Variants in SNTG1 observed in about 807,000 individuals in gnomAD.
The protein encoded by SNTG1 is gamma-1-syntrophin.
A neutral mutation model predicts 74.7 loss-of-function variants in SNTG1; 39 were observed. The observed-to-expected ratio is 0.52, with a 90% CI of 0.40 to 0.68. SNTG1 has a LOEUF of 0.68. Among genes scored for constraint, SNTG1 ranks in the 30% least tolerant of loss-of-function variants. The pLI is 0.00. For missense variants in SNTG1, 685 were observed against 609.5 expected (o/e 1.12, Z -1.30); for synonymous variants, 254 against 217.1 (o/e 1.17, Z -1.49).
chr8:50,417,658 G>A (rs376383112), intron 4 of SNTG1, among the ~76,000 whole-genome samples: 5 of 151,926 alleles, frequency 3.3e-5, no homozygotes, highest in Admixed American at 1.3e-4. Context: ...TGACAATGTC[G>A]TATCAACTTC....
chr8:50,715,151 T>A (rs2095472020), intron 17 of SNTG1, among the ~76,000 whole-genome samples: 1 of 152,172 alleles, frequency 6.6e-6, no homozygotes, highest in African/African-American at 2.4e-5. Flanking sequence ...ACCTGAGACC[T>A]AGCATTTACT....
intron 8 of SNTG1, among the ~76,000 whole-genome samples, chr8:50,472,072 C>T (rs1240749691): frequency 6.6e-6 from 1 of 152,088 alleles, no homozygotes; most frequent in Non-Finnish European, 1.5e-5. Context: ...GGAAGACATC[C>T]TATATTCATG....
Position 50,530,224 on chromosome 8 carries a change from A to G in SNTG1, c.514A>G (p.Ser172Gly). ...SSGTSSPLCD[S>G]GLHLNYHPNN... ...TGGCACCTCCTCTCCTCTCTGTGAC[A>G]GTGGCTTACATCTCAACTACCATCC... Residue 172 changes from serine to glycine, a missense_variant, in exon 10 of 19, where the codon AGT becomes GGT. Transcript: ENST00000642720. 1 of 1,613,836 alleles carries G rather than the reference A, an allele frequency of 6.2e-7. No homozygotes were observed. The highest frequency in any genetic ancestry group is 8.5e-7 in the Non-Finnish European group (1 of 1,179,792).
intron 1 of SNTG1, among the ~76,000 whole-genome samples, chr8:50,115,558 A>G (rs936189810): frequency 9.4e-5 from 13 of 137,834 alleles, no homozygotes; most frequent in African/African-American, 3.4e-4. Context: ...ACAGAGCGAG[A>G]CTCTGTCTCA....
intron 17 of SNTG1, among the ~76,000 whole-genome samples, chr8:50,748,652 G>A (rs894027232): frequency 1.3e-5 from 2 of 151,922 alleles, no homozygotes; most frequent in Non-Finnish European, 2.9e-5. Context: ...AACAGCGTGC[G>A]CTTACTTTGT....
At chr8:50,362,115 T>A (rs1446506664) in intron 2 of SNTG1, among the ~76,000 whole-genome samples, 1 of 152,106 alleles carries the variant, frequency 6.6e-6, no homozygotes, top group Non-Finnish European at 1.5e-5. Flanking sequence ...CCAATTATAT[T>A]TGTATAGAAA....
intron 18 of SNTG1, among the ~76,000 whole-genome samples, chr8:50,759,837 T>C (rs1236631484): frequency 6.6e-6 from 1 of 152,110 alleles, no homozygotes; most frequent in Admixed American, 6.6e-5. Flanking sequence ...GGCTCTTTTT[T>C]GGTTCCTTAT....
intron 2 of SNTG1, among the ~76,000 whole-genome samples, chr8:50,214,247 G>A (rs904662640): frequency 1.6e-4 from 21 of 127,294 alleles, no homozygotes; most frequent in South Asian, 5.5e-4. Flanking sequence ...ATCACACTCT[G>A]GGGACTGTTG....
intron 8 of SNTG1, among the ~76,000 whole-genome samples, chr8:50,484,526 G>T (rs2093773526): frequency 6.7e-6 from 1 of 149,928 alleles, no homozygotes; most frequent in African/African-American, 2.4e-5. Flanking sequence ...GGATTTTCTT[G>T]ATATAGACAT....
chr8:50,392,360 T>C (rs1033052450), intron 2 of SNTG1, among the ~76,000 whole-genome samples: 1 of 152,198 alleles, frequency 6.6e-6, no homozygotes, highest in Non-Finnish European at 1.5e-5. Context: ...CAGAAAGGAC[T>C]GAAGAAAGAA....
rs2094533337 is a variant in SNTG1 at position 50,569,271 on chromosome 8, C to G, written c.810+16092C>G. On this transcript the variant is annotated intron_variant, in intron 12 of 18. Transcript: ENST00000642720. Reference sequence around the variant, plus strand: ...AAGAAAAAGCACGGATAGCCAGTCCCTCTGTGGGATGAACACAGCCCTTCA... The same window carrying G: ...AAGAAAAAGCACGGATAGCCAGTCCGTCTGTGGGATGAACACAGCCCTTCA... Among the ~76,000 whole-genome samples the G allele has an allele frequency of 3.9e-5, 6 of 152,072 alleles. No homozygotes were observed. The South Asian group carries it at 1.2e-3, about 31-fold the overall frequency.
At chr8:50,348,670 T>C (rs541095343) in intron 2 of SNTG1, among the ~76,000 whole-genome samples, 1 of 152,300 alleles carries the variant, frequency 6.6e-6, no homozygotes, top group East Asian at 1.9e-4. Flanking sequence ...AAGATGACTA[T>C]TTAAAACCTT....
chr8:50,288,229 G>C (rs561951765), intron 2 of SNTG1, among the ~76,000 whole-genome samples: 1 of 152,102 alleles, frequency 6.6e-6, no homozygotes, highest in Non-Finnish European at 1.5e-5. Context: ...AAAGGATTAA[G>C]ATTGCACACA....
At chr8:49,999,574 C>A (rs756449627) in intron 1 of SNTG1, among the ~76,000 whole-genome samples, 1 of 152,188 alleles carries the variant, frequency 6.6e-6, no homozygotes, top group Non-Finnish European at 1.5e-5. Context: ...TTTGAACATT[C>A]TCTAGGCCTA....
intron 17 of SNTG1, among the ~76,000 whole-genome samples, chr8:50,712,757 T>C (rs1458873446): frequency 1.3e-5 from 2 of 152,150 alleles, no homozygotes; most frequent in African/African-American, 4.8e-5. Context: ...ATGTGTTGTT[T>C]GGTTTTCTGT....
chr8:50,264,009 A>G (rs1658778946), intron 2 of SNTG1, among the ~76,000 whole-genome samples: 1 of 152,246 alleles, frequency 6.6e-6, no homozygotes, highest in South Asian at 2.1e-4. Context: ...GATGAAAAGC[A>G]GAAATTAATA....
intron 2 of SNTG1, among the ~76,000 whole-genome samples, chr8:50,344,232 A>G (rs2091404910): frequency 6.6e-6 from 1 of 152,218 alleles, no homozygotes; most frequent in Non-Finnish European, 1.5e-5. Flanking sequence ...AAGAAAGCAA[A>G]GCAACTTACT....
chr8:50,549,699 T>C (rs1259911273), intron 11 of SNTG1, among the ~76,000 whole-genome samples: 2 of 152,132 alleles, frequency 1.3e-5, no homozygotes, highest in Non-Finnish European at 2.9e-5. Flanking sequence ...CCACACACAA[T>C]GTGCCAGACA....
intron 1 of SNTG1, among the ~76,000 whole-genome samples, chr8:50,007,380 G>A (rs1348728430): frequency 6.6e-6 from 1 of 152,090 alleles, no homozygotes; most frequent in Non-Finnish European, 1.5e-5. Context: ...CTATAGTTGA[G>A]CTTGTGGGGA....
Sources: gnomAD v4.1 joint callset for allele counts (sites outside exome capture counted in the v4.1 genomes callset) on GRCh38, gnomAD v4.1.1 for gene constraint, MANE v1.5 for transcripts, NCBI Gene and HGNC (gene_info 2026-07-23, HGNC 2026-07-21) for gene names.